PIK3R2: variants seen among roughly 807,000 people sequenced by gnomAD.
PIK3R2 encodes phosphoinositide-3-kinase regulatory subunit 2.
Under a neutral mutation model 78.5 loss-of-function variants are expected in PIK3R2, and 40 were observed. The ratio of observed to expected loss-of-function variants is 0.51; its 90% CI spans 0.40 to 0.66. The LOEUF is 0.66. PIK3R2 is among the 30% of genes least tolerant of loss of function. The pLI, the probability that PIK3R2 is intolerant of heterozygous loss-of-function variation, is 0.00. For missense variants in PIK3R2, 880 were observed against 1,026.6 expected, an observed-to-expected ratio of 0.86 and a Z score of 1.95; for synonymous variants, 473 against 457.7, an observed-to-expected ratio of 1.03 and a Z score of -0.43.
At chr19:18,159,681 G>A (rs8112290) in intron 2 of PIK3R2, among the ~76,000 whole-genome samples, 72,943 of 151,364 alleles carry the variant, frequency 0.48, 18,346 homozygotes, top group East Asian at 0.73. Context: ...TTAACCTCAA[G>A]TGACCTGCTG....
rs756748269 is a variant in PIK3R2 at position 18,161,151 on chromosome 19, C to G, written c.564C>G (p.Pro188=). ...LLALPAPLVT[P]EASAEARRAL... ...CACTGCCCGCGCCGCTCGTGACCCCCGAGGCCTCGGCCGAGGCGCGCCGGG... is the reference window on the plus strand; with the variant it reads ...CACTGCCCGCGCCGCTCGTGACCCCGGAGGCCTCGGCCGAGGCGCGCCGGG... The change falls in exon 5 of 16, where the codon CCC becomes CCG. Residue 188 remains proline, a synonymous_variant. Coordinates refer to ENST00000222254, the MANE Select transcript of PIK3R2 (RefSeq NM_005027.4). The surrounding 1 kb of genome is among the most constrained non-coding windows in gnomAD (Gnocchi z 5.3). 163 of 1,551,216 alleles carry G rather than the reference C, an allele frequency of 1.1e-4. 1 individual carries two copies. Among genetic ancestry groups the G allele is most frequent in the African/African-American group, 2.7e-4 (20 of 73,160 alleles).
rs368900368 is a variant in PIK3R2, at chr19:18,157,944, G to A, written c.322+1743G>A. Among the ~76,000 whole-genome samples the A allele has an allele frequency of 7.2e-5, 11 of 152,334 alleles. No homozygotes were observed. In the South Asian group the frequency reaches 1.7e-3, roughly 23 times the overall value. On this transcript the variant is annotated intron_variant, in intron 2 of 15. Coordinates refer to ENST00000222254, the MANE Select transcript of PIK3R2 (RefSeq NM_005027.4). ...TGCTGCACACAAAAGGCCCTGTAGT[G>A]CTGGGAAGCCAGGGCTGGGAGGGGG... is the stretch of plus-strand genomic sequence containing the variant.
At chr19:18,162,157 G>C in intron 7 of PIK3R2, 45 bp from the exon 8 acceptor site, 1 of 1,415,218 alleles carries the variant, frequency 7.1e-7, no homozygotes, top group Non-Finnish European at 1.0e-6. Context: ...GGCAGCCACA[G>C]TATACAGTCG....
Position 18,166,477 on chromosome 19 carries a change from G to A in PIK3R2, c.1559+175G>A, listed in dbSNP as rs191772854. 7.9e-5 allele frequency among the ~76,000 whole-genome samples: 12 copies of A among 152,256 alleles called. No homozygotes were observed. The East Asian group carries it at 1.7e-3, about 22-fold the overall frequency. Reference sequence around the variant, plus strand: ...TGTAATCCCAGCACTTTAGGAGGCCGAGGCGGGTGGATCTCCTGAGGCCAG... The same window carrying A: ...TGTAATCCCAGCACTTTAGGAGGCCAAGGCGGGTGGATCTCCTGAGGCCAG... On this transcript the variant is annotated intron_variant, in intron 12 of 15. Coordinates refer to ENST00000222254, the MANE Select transcript of PIK3R2 (RefSeq NM_005027.4).
At chr19:18,166,981 A>T in intron 12 of PIK3R2, 149 bp from the exon 13 acceptor site, 1 of 585,764 alleles carries the variant, frequency 1.7e-6, no homozygotes, top group Non-Finnish European at 2.8e-6. Context: ...AAAAAATATT[A>T]AAATGTTAGC....
intron 11 of PIK3R2, among the ~76,000 whole-genome samples, chr19:18,163,953 C>A (rs1168668227): frequency 6.6e-6 from 1 of 151,988 alleles, no homozygotes; most frequent in Admixed American, 6.6e-5. Flanking sequence ...ATGTTGAAAC[C>A]CTGTCTCTAC....
Position 18,162,236 on chromosome 19 carries a change from C to A in PIK3R2, c.936C>A (p.Ala312=). ...CTAAACCCCCCAAGGCAAAGCCGGC[C>A]TCCACAGTCCTGGCCAATGGAGGGA... The part of the protein sequence containing the change: ...LPPKPPKAKP[A]STVLANGGSP... The change falls in exon 8 of 16, where the codon GCC becomes GCA. Residue 312 remains alanine, a synonymous_variant. Coordinates refer to ENST00000222254, the MANE Select transcript of PIK3R2 (RefSeq NM_005027.4). 1 of 1,604,740 alleles carries A rather than the reference C, an allele frequency of 6.2e-7. No homozygotes were observed. The highest frequency in any genetic ancestry group is 2.2e-5 in the East Asian group (1 of 44,800).
At chr19:18,164,323 T>C (rs886651064) in intron 11 of PIK3R2, among the ~76,000 whole-genome samples, 4 of 151,966 alleles carry the variant, frequency 2.6e-5, no homozygotes, top group Non-Finnish European at 4.4e-5. Context: ...TGATTACTTA[T>C]GTCCCCTTCA....
chr19:18,155,916 T>C lies in PIK3R2; in HGVS notation c.37T>C (p.Tyr13His). 1.3e-6 allele frequency: 2 copies of C among 1,565,394 alleles called. No individual in the cohort carries two copies. Among genetic ancestry groups the C allele is most frequent in the Non-Finnish European group, 1.7e-6 (2 of 1,155,342 alleles). The change falls in exon 2 of 16, where the codon TAC becomes CAC. Residue 13 changes from tyrosine (Y) to histidine (H), a missense_variant. Physicochemically the swap from Tyr to His is moderately conservative, Grantham distance 83. This residue lies in a region of PIK3R2 where 456 missense variants were observed against 486.6 expected (regional missense o/e 0.94). Transcript: ENST00000222254. ...TGAGGGCTTCCAGTACCGCGCTCTG[T>C]ACCCGTTCCGCCGGGAGCGGCCGGA... The part of the protein sequence containing the change: ...GPEGFQYRAL[Y>H]PFRRERPEDL...
rs149987296 is a variant in PIK3R2, at chr19:18,168,148, A to T, written c.1737-327A>T. On this transcript the variant is annotated intron_variant, in intron 13 of 15. Transcript: ENST00000222254. The surrounding 1 kb of genome is among the most constrained non-coding windows in gnomAD (Gnocchi z 4.1). ...GGGGAGACTGAGGCACAGAACCGAC[A>T]GCTGCCCTGTGCAAAGGCCAGCAGT... 9.0e-4 allele frequency among the ~76,000 whole-genome samples: 137 copies of T among 152,330 alleles called. No homozygotes were observed. The highest frequency in any genetic ancestry group is 3.3e-3 in the African/African-American group (137 of 41,576).
chr19:18,170,324 C>G lies in PIK3R2; in HGVS notation c.*1030C>G, dbSNP rs1486880792. ...TTGCGACACTGCCCACGGCCCCTCC[C>G]TCTGATGCAGATTCAGGGCTTCTCT... On this transcript the variant is annotated 3_prime_UTR_variant, in exon 16 of 16. Transcript: ENST00000222254. The G allele has an allele frequency of 6.6e-6, 1 of 152,240 alleles. No individual in the cohort carries two copies. Among genetic ancestry groups the G allele is most frequent in the South Asian group, 2.1e-4 (1 of 4,834 alleles). The allele number at this position is 152,240 out of a possible 1,614,324, so 9.4% of individuals were successfully genotyped here.
rs923282411 is a variant in PIK3R2, at chr19:18,169,635, C to T, written c.*341C>T. The T allele has an allele frequency of 2.8e-5, 7 of 252,646 alleles. No homozygotes were observed. The highest frequency in any genetic ancestry group is 5.3e-5 in the Non-Finnish European group (7 of 130,924). 15.7% of individuals were successfully genotyped at this position (252,646 alleles called of 1,614,324 possible). On this transcript the variant is annotated 3_prime_UTR_variant, in exon 16 of 16. Transcript: ENST00000222254. ...CTGCCCACCGCAGGTCCCCCGGGGT[C>T]CCGGAAGCCCCTTCTGGCTGCACCT...
In PIK3R2 at chr19:18,168,398, G is replaced by A. The variant is rs1333761194; in HGVS notation, c.1737-77G>A. On this transcript the variant is annotated intron_variant, in intron 13 of 15. Coordinates refer to ENST00000222254, the MANE Select transcript of PIK3R2 (RefSeq NM_005027.4). The surrounding 1 kb of genome is among the most constrained non-coding windows in gnomAD (Gnocchi z 4.1). ...AACCCTCTCTCCTCAGCCAGACCCT[G>A]CCTCCCACCGGACAGGCCCACTGTG... The A allele has an allele frequency of 1.4e-6, 1 of 737,324 alleles. No homozygotes were observed. The highest frequency in any genetic ancestry group is 2.5e-6 in the Non-Finnish European group (1 of 396,028). 45.7% of individuals were successfully genotyped at this position (737,324 alleles called of 1,614,324 possible). A position where few individuals can be genotyped will look rare whatever the true frequency, so the allele number is the denominator to read the frequency against.
Position 18,161,936 on chromosome 19 carries a change from A to G in PIK3R2, c.816-30A>G. 6.3e-7 allele frequency: 1 copy of G among 1,593,234 alleles called. No individual in the cohort carries two copies. The highest frequency in any genetic ancestry group is 2.2e-5 in the East Asian group (1 of 44,760). On this transcript the variant is annotated intron_variant, in intron 6 of 15. Coordinates refer to ENST00000222254, the MANE Select transcript of PIK3R2 (RefSeq NM_005027.4). This position sits in a 1 kb window ranked among gnomAD's most constrained non-coding sequence, Gnocchi z 5.3. ...ATGCGTGGGCGGACAGGCCCTACCC[A>G]GCCCTCACCACACTCCCCTTCCCCC...
In PIK3R2 at chr19:18,160,451, C is replaced by G. The variant is rs745625146; in HGVS notation, c.323-20C>G. On this transcript the variant is annotated intron_variant, in intron 2 of 15. Coordinates refer to ENST00000222254, the MANE Select transcript of PIK3R2 (RefSeq NM_005027.4). ...TCCAGGAACCCCACCAACATGCAAC[C>G]CCCCTGTTTCCCCCACCAGGCCTCA... 5.4e-6 allele frequency: 8 copies of G among 1,468,604 alleles called. No individual in the cohort carries two copies. The South Asian group carries it at 6.8e-5, about 12-fold the overall frequency. The allele number at this position is 1,468,604 out of a possible 1,614,324, so 91.0% of individuals were successfully genotyped here. A position where few individuals can be genotyped will look rare whatever the true frequency, so the allele number is the denominator to read the frequency against.
intron 2 of PIK3R2, 88 bp from the exon 3 acceptor site, chr19:18,160,383 C>G (rs1348372898): frequency 2.2e-5 from 18 of 827,942 alleles, no homozygotes; most frequent in Non-Finnish European, 3.3e-5. Flanking sequence ...CCTCAAACTG[C>G]CCCAGCTGAG....
intron 1 of PIK3R2, 47 bp from the exon 2 acceptor site, chr19:18,155,410 T>C: frequency 2.6e-6 from 1 of 384,870 alleles, no homozygotes. Flanking sequence ...GTGTTGGGGG[T>C]GAGAGGAGTT....
In PIK3R2 at chr19:18,161,505, G is replaced by A; in HGVS notation, c.815+10G>A. On this transcript the variant is annotated intron_variant, in intron 6 of 15. Transcript: ENST00000222254. This position sits in a 1 kb window ranked among gnomAD's most constrained non-coding sequence, Gnocchi z 5.3. Reference sequence around the variant, plus strand: ...GGGGCGCTCCCGACGGGTGAGGGGCGGGGCGGAGCCGGAGCGAGCAGGGGT... The same window carrying A: ...GGGGCGCTCCCGACGGGTGAGGGGCAGGGCGGAGCCGGAGCGAGCAGGGGT... The A allele has an allele frequency of 2.9e-6, 3 of 1,020,324 alleles. No individual in the cohort carries two copies. Among genetic ancestry groups the A allele is most frequent in the East Asian group, 7.0e-5 (2 of 28,482 alleles). The allele number at this position is 1,020,324 out of a possible 1,614,324, so 63.2% of individuals were successfully genotyped here. A position where few individuals can be genotyped will look rare whatever the true frequency, so the allele number is the denominator to read the frequency against.
At chr19:18,154,794 T>C (rs780376394) in intron 1 of PIK3R2, among the ~76,000 whole-genome samples, 3 of 148,374 alleles carry the variant, frequency 2.0e-5, no homozygotes, top group Non-Finnish European at 4.5e-5. Context: ...GCCTGTTTAC[T>C]GGCCGGGCGC....
Sources: allele counts gnomAD v4.1 joint callset (sites outside exome capture counted in the v4.1 genomes callset), GRCh38; gene constraint gnomAD v4.1.1; regional missense constraint gnomAD v4.1.1; non-coding constraint Gnocchi (gnomAD v3.1); transcripts MANE v1.5; gene names NCBI Gene and HGNC (gene_info 2026-07-23, HGNC 2026-07-21).